ZFHX3: variants seen among roughly 807,000 people sequenced by gnomAD.
The protein encoded by ZFHX3 is zinc finger homeobox 3.
Under a neutral mutation model 279.1 loss-of-function variants are expected in ZFHX3, and 42 were observed. That is an observed-to-expected ratio of 0.15 (90% confidence interval 0.12 to 0.19). ZFHX3 has a LOEUF of 0.19. ZFHX3 is among the 10% of genes least tolerant of loss of function. ZFHX3 has a pLI of 1.00. For synonymous variants in ZFHX3, 2,293 were observed against 1,957.8 expected (o/e 1.17, Z -4.52); for missense variants, 4,981 against 4,754.0 (o/e 1.05, Z -1.40).
At chr16:73,512,788 G>T (rs1217720356) in intron 2 of ZFHX3, among the ~76,000 whole-genome samples, 1 of 152,180 alleles carries the variant, frequency 6.6e-6, no homozygotes, top group African/African-American at 2.4e-5. Context: ...AGGGTCAGGA[G>T]GTGGGAATGT....
chr16:73,456,294 A>G (rs1164363451), intron 2 of ZFHX3: 1 of 152,134 alleles, frequency 6.6e-6, no homozygotes, highest in Admixed American at 6.5e-5. Flanking sequence ...CAATTTGTAA[A>G]AATCTTAAAC....
chr16:73,363,049 C>T (rs990326158), intron 3 of ZFHX3, among the ~76,000 whole-genome samples: 9 of 152,198 alleles, frequency 5.9e-5, no homozygotes, highest in Non-Finnish European at 1.2e-4. Flanking sequence ...TGGCCTCATG[C>T]CTTTCTTTCA....
intron 1 of ZFHX3, among the ~76,000 whole-genome samples, chr16:73,010,309 C>T (rs9940631): frequency 0.016 from 2,462 of 152,248 alleles, 65 homozygotes; most frequent in African/African-American, 0.056. Context: ...GACTCTGCAC[C>T]GTTCCCCATT....
At chr16:73,676,333 A>T (rs1443950664) in intron 2 of ZFHX3, among the ~76,000 whole-genome samples, 1 of 152,040 alleles carries the variant, frequency 6.6e-6, no homozygotes, top group East Asian at 1.9e-4. Context: ...GGAGAGAGCA[A>T]TGGAATGTAT....
chr16:73,606,726 C>T lies in ZFHX3; in HGVS notation c.-1547+73454G>A, dbSNP rs893548835. Among the ~76,000 whole-genome samples the T allele has an allele frequency of 5.9e-5, 9 of 152,124 alleles. 1 individual carries two copies. Among genetic ancestry groups the T allele is most frequent in the East Asian group, 3.9e-4 (2 of 5,184 alleles). On this transcript the variant is annotated intron_variant, in intron 2 of 17. Coordinates refer to the ZFHX3 transcript ENST00000641206. ...TTAGCTATTTTACCTAATGCTCTCC[C>T]GCTACTTCCCGCCCTCCCCTGACAG...
intron 4 of ZFHX3, among the ~76,000 whole-genome samples, chr16:72,836,316 C>T (rs901332343): frequency 1.3e-5 from 2 of 151,386 alleles, no homozygotes; most frequent in Non-Finnish European, 2.9e-5. Flanking sequence ...ACCGTGACAG[C>T]CAGACCCAGA....
chr16:73,009,811 A>C (rs1963847416), intron 1 of ZFHX3, among the ~76,000 whole-genome samples: 1 of 152,118 alleles, frequency 6.6e-6, no homozygotes. Flanking sequence ...ACTTGAGGTC[A>C]GGAGTTCGAG....
intron 1 of ZFHX3, among the ~76,000 whole-genome samples, chr16:73,725,515 C>CTCCAACAG (rs1323685500): frequency 6.8e-6 from 1 of 147,270 alleles, no homozygotes; most frequent in Non-Finnish European, 1.5e-5. Flanking sequence ...TTGTCACTAC[C>CTCCAACAG]TCCAACAGAG....
intron 3 of ZFHX3, among the ~76,000 whole-genome samples, chr16:72,921,417 G>A (rs2039580888): frequency 1.3e-5 from 2 of 152,222 alleles, no homozygotes; most frequent in South Asian, 4.1e-4. Context: ...CAGCATGAAG[G>A]AGATACATAG....
intron 5 of ZFHX3, among the ~76,000 whole-genome samples, chr16:73,227,895 A>G (rs2012654235): frequency 6.6e-6 from 1 of 151,906 alleles, no homozygotes; most frequent in African/African-American, 2.4e-5. Context: ...TGAAACAACA[A>G]TAACAACAAT....
At chr16:73,326,238 G>C (rs1161181694) in intron 3 of ZFHX3, among the ~76,000 whole-genome samples, 1 of 152,024 alleles carries the variant, frequency 6.6e-6, no homozygotes, top group Admixed American at 6.6e-5. Context: ...CATATGCAAC[G>C]GCCATTTAAG....
At chr16:73,141,804 G>T (rs575466555) in intron 6 of ZFHX3, among the ~76,000 whole-genome samples, 4 of 152,294 alleles carry the variant, frequency 2.6e-5, no homozygotes, top group African/African-American at 7.2e-5. Flanking sequence ...GAGGTAGTCT[G>T]CCCATGCAGA....
intron 8 of ZFHX3, among the ~76,000 whole-genome samples, chr16:73,086,409 C>T (rs187001716): frequency 2.0e-4 from 30 of 152,262 alleles, no homozygotes; most frequent in African/African-American, 5.8e-4. Flanking sequence ...ATCTGCACTT[C>T]CATGTTTATT....
intron 9 of ZFHX3, chr16:72,790,475 G>T (rs1213167637): frequency 6.6e-6 from 1 of 152,180 alleles, no homozygotes; most frequent in Non-Finnish European, 1.5e-5. Flanking sequence ...CTGAAGCCCA[G>T]ACTTGGGGGA....
intron 1 of ZFHX3, among the ~76,000 whole-genome samples, chr16:72,968,254 A>G (rs554670478): frequency 3.9e-5 from 6 of 152,254 alleles, no homozygotes; most frequent in South Asian, 4.1e-4. Flanking sequence ...AGAATGTCCT[A>G]TGCTTTTTAG....
chr16:72,791,947 G>C (rs1226418247), intron 9 of ZFHX3, among the ~76,000 whole-genome samples: 5 of 152,200 alleles, frequency 3.3e-5, no homozygotes, highest in African/African-American at 1.2e-4. Context: ...CAGCACAGCT[G>C]CTTTAACCCC....
At chr16:73,159,320 C>G (rs1168582040) in intron 5 of ZFHX3, among the ~76,000 whole-genome samples, 1 of 152,176 alleles carries the variant, frequency 6.6e-6, no homozygotes, top group African/African-American at 2.4e-5. Flanking sequence ...ATTTTTCTCC[C>G]CTTTTTATCT....
chr16:72,827,457 G>C (rs768376143), intron 5 of ZFHX3, among the ~76,000 whole-genome samples: 1 of 152,170 alleles, frequency 6.6e-6, no homozygotes, highest in South Asian at 2.1e-4. Context: ...GGGTCACACA[G>C]CTAATGAGTG....
intron 4 of ZFHX3, among the ~76,000 whole-genome samples, chr16:72,873,463 T>C (rs1333075715): frequency 1.3e-5 from 2 of 152,240 alleles, no homozygotes; most frequent in African/African-American, 4.8e-5. Context: ...CTTATTAGTA[T>C]GATGAGATTT....
Sources: gnomAD v4.1 joint callset for allele counts (sites outside exome capture counted in the v4.1 genomes callset) on GRCh38, gnomAD v4.1.1 for gene constraint, MANE v1.5 for transcripts, NCBI Gene and HGNC (gene_info 2026-07-23, HGNC 2026-07-21) for gene names.